The following RGS10 variants were observed in gnomAD, a reference collection of about 807,000 sequenced individuals.
The protein encoded by RGS10 is regulator of G protein signaling 10.
RGS10 carries 11 observed loss-of-function variants against 23.5 expected under a neutral mutation model. The observed-to-expected ratio is 0.47, with a 90% CI of 0.29 to 0.77. RGS10 has a LOEUF of 0.77. Ranked by LOEUF, RGS10 falls within the 30% of genes least tolerant of loss-of-function variation. RGS10 has a pLI of 0.08. For missense variants in RGS10, 180 were observed against 226.3 expected (o/e 0.80, Z 1.31); for synonymous variants, 77 against 83.2 (o/e 0.92, Z 0.41).
At position 119,515,611 on chromosome 10, in the gene RGS10, G is replaced by C. The variant is rs779382283; in HGVS notation, c.297C>G (p.Ser99=). ...KAKEIYMTFL[S]SKASSQVNVE... is the part of the protein sequence containing the mutation. ...CGTTGACCTGTGATGAGGCCTTGCT[G>C]GACAGAAAGGTCATGTAGATCTCCT... Residue 99 remains serine, a synonymous_variant, in exon 4 of 5, where the codon TCC becomes TCG. Coordinates refer to ENST00000369103, the MANE Select transcript of RGS10 (RefSeq NM_001005339.2). The C allele has an allele frequency of 6.2e-7, 1 of 1,614,170 alleles. No homozygotes were observed. Among genetic ancestry groups the C allele is most frequent in the South Asian group, 1.1e-5 (1 of 91,082 alleles).
intron 4 of RGS10, 25 bp downstream of exon 4, chr10:119,515,484 G>A (rs1011815555): frequency 3.1e-6 from 5 of 1,613,368 alleles, no homozygotes; most frequent in Admixed American, 1.7e-5. Flanking sequence ...TTCAAATCAA[G>A]GTGCAGGCAG....
At chr10:119,512,535 C>G (rs1412090914) in intron 4 of RGS10, among the ~76,000 whole-genome samples, 1 of 136,490 alleles carries the variant, frequency 7.3e-6, no homozygotes, top group East Asian at 2.2e-4. Context: ...GGATCTTTCT[C>G]TCTATGCAAT....
chr10:119,515,496 G>A lies in RGS10; in HGVS notation c.399+13C>T, dbSNP rs768883861. 2 of 1,614,046 alleles carry A rather than the reference G, an allele frequency of 1.2e-6. No homozygotes were observed. Among genetic ancestry groups the A allele is most frequent in the East Asian group, 4.5e-5 (2 of 44,882 alleles). ...GTTTTCAAATCAAGGTGCAGGCAGG[G>A]AAGTCGGGTTACCTGGTCCTGGAGT... is the stretch of plus-strand genomic sequence containing the variant. On this transcript the variant is annotated intron_variant, in intron 4 of 4. Transcript: ENST00000369103.
chr10:119,540,908 C>T (rs1486314367), intron 1 of RGS10, among the ~76,000 whole-genome samples: 2 of 152,172 alleles, frequency 1.3e-5, no homozygotes, highest in South Asian at 2.1e-4. Flanking sequence ...CTATGAAACC[C>T]ACTTTGCAGG....
chr10:119,510,666 C>T (rs537660675), intron 4 of RGS10, among the ~76,000 whole-genome samples: 2 of 152,244 alleles, frequency 1.3e-5, no homozygotes, highest in South Asian at 2.1e-4. Flanking sequence ...ACAACAAATC[C>T]ACAAACCAGC....
intron 1 of RGS10, among the ~76,000 whole-genome samples, chr10:119,536,855 C>T (rs980200984): frequency 2.0e-5 from 3 of 152,234 alleles, no homozygotes; most frequent in South Asian, 2.1e-4. Flanking sequence ...GCTGCCCTCA[C>T]CCTCCTACTC....
In RGS10 at chr10:119,515,846, C is replaced by T. The variant is rs186662366; in HGVS notation, c.256-194G>A. ...GCCTGCACTGCCAAGCCCCTACCCC[C>T]GCCCCTTCATGCGCCTGCAGCCACT... On this transcript the variant is annotated intron_variant, in intron 3 of 4. Transcript: ENST00000369103. Among the ~76,000 whole-genome samples, 843 of 152,328 alleles carry T rather than the reference C, an allele frequency of 5.5e-3. 17 individuals are homozygous for T. Among genetic ancestry groups the T allele is most frequent in the Admixed American group, 0.042 (637 of 15,306 alleles).
chr10:119,542,532 G>C (rs369252290), intron 1 of RGS10, 58 bp downstream of exon 1: 177 of 1,346,852 alleles, frequency 1.3e-4, no homozygotes, highest in Non-Finnish European at 1.7e-4. Flanking sequence ...AGGGCAGGAG[G>C]CCGGGCGGGC....
intron 4 of RGS10, among the ~76,000 whole-genome samples, chr10:119,508,664 C>T (rs538254261): frequency 7.4e-4 from 113 of 152,320 alleles, no homozygotes; most frequent in African/African-American, 2.6e-3. Flanking sequence ...GGACCAATAA[C>T]GTCATCGATT....
intron 1 of RGS10, among the ~76,000 whole-genome samples, chr10:119,536,121 C>T (rs1041695551): frequency 2.0e-5 from 3 of 152,164 alleles, no homozygotes; most frequent in African/African-American, 7.2e-5. Context: ...AACTACCCCA[C>T]CTGCATGCAA....
intron 4 of RGS10, among the ~76,000 whole-genome samples, chr10:119,514,022 A>C (rs1476393856): frequency 6.6e-6 from 1 of 152,264 alleles, no homozygotes; most frequent in African/African-American, 2.4e-5. Context: ...ATGAGACAAT[A>C]CACACCAAGT....
chr10:119,525,921 A>G (rs1844267877), intron 3 of RGS10, 111 bp downstream of exon 3: 1 of 554,882 alleles, frequency 1.8e-6, no homozygotes, highest in Non-Finnish European at 3.2e-6. Context: ...TGAAGCTTAA[A>G]TCTTCCCCCA....
At chr10:119,525,330 C>T (rs905292747) in intron 3 of RGS10, among the ~76,000 whole-genome samples, 2 of 152,208 alleles carry the variant, frequency 1.3e-5, no homozygotes, top group Non-Finnish European at 2.9e-5. Flanking sequence ...GCAGACAGAA[C>T]GTCCTTAGCT....
intron 4 of RGS10, among the ~76,000 whole-genome samples, chr10:119,514,580 C>A (rs541888578): frequency 6.6e-6 from 1 of 150,482 alleles, no homozygotes; most frequent in African/African-American, 2.4e-5. Context: ...ATCGCTTGAA[C>A]CTGGGAGGCG....
At chr10:119,526,957 C>T (rs1844282791) in intron 2 of RGS10, among the ~76,000 whole-genome samples, 1 of 152,102 alleles carries the variant, frequency 6.6e-6, no homozygotes, top group African/African-American at 2.4e-5. Context: ...GAGAATCCCC[C>T]AAGCACGAGA....
intron 1 of RGS10, among the ~76,000 whole-genome samples, chr10:119,531,309 G>C (rs760164663): frequency 2.0e-5 from 3 of 152,154 alleles, no homozygotes; most frequent in Non-Finnish European, 2.9e-5. Context: ...CTCTTGCCAT[G>C]GCAGAACCAC....
rs565122354 is a variant in RGS10, at chr10:119,533,318, A to T, written c.50-5894T>A. Reference sequence around the variant, plus strand: ...CTGCACTCCAGCCTGGGTGACAGAGAGAGACTCCGTCTTAGGGAAAAAAGT... The same window carrying T: ...CTGCACTCCAGCCTGGGTGACAGAGTGAGACTCCGTCTTAGGGAAAAAAGT... On this transcript the variant is annotated intron_variant, in intron 1 of 4. Transcript: ENST00000369103. Among the ~76,000 whole-genome samples, 347 of 152,074 alleles carry T rather than the reference A, an allele frequency of 2.3e-3. 3 individuals carry two copies. The highest frequency in any genetic ancestry group is 4.2e-3 in the Non-Finnish European group (286 of 67,976).
Position 119,527,261 on chromosome 10 carries a change from C to A in RGS10, c.168+45G>T, listed in dbSNP as rs1174761089. ...TTCTCCCCTGTGTGCATCTGAACTT[C>A]TGCACACACTGCATCCATCCCGATT... is the stretch of plus-strand genomic sequence containing the variant. On this transcript the variant is annotated intron_variant, in intron 2 of 4. Transcript: ENST00000369103. This position sits in a 1 kb window ranked among gnomAD's most constrained non-coding sequence, Gnocchi z 4.2. 7.1e-7 allele frequency: 1 copy of A among 1,408,246 alleles called. No individual in the cohort carries two copies. Among genetic ancestry groups the A allele is most frequent in the Admixed American group, 1.7e-5 (1 of 58,466 alleles). 87.2% of individuals were successfully genotyped at this position (1,408,246 alleles called of 1,614,324 possible).
At chr10:119,512,950 A>AT (rs1476196539) in intron 4 of RGS10, among the ~76,000 whole-genome samples, 2 of 152,220 alleles carry the variant, frequency 1.3e-5, no homozygotes, top group Non-Finnish European at 2.9e-5. Flanking sequence ...ATACATTATT[A>AT]TTACACTTAT....
Sources: gnomAD v4.1 joint callset for allele counts (sites outside exome capture counted in the v4.1 genomes callset) on GRCh38, gnomAD v4.1.1 for gene constraint, Gnocchi (gnomAD v3.1) non-coding constraint, MANE v1.5 for transcripts, NCBI Gene and HGNC (gene_info 2026-07-23, HGNC 2026-07-21) for gene names.